RALGAPB: variants seen among roughly 807,000 people sequenced by gnomAD.
The protein encoded by RALGAPB is Ral GTPase activating protein non-catalytic subunit beta.
In RALGAPB, 25 loss-of-function variants were observed where a neutral mutation model predicts 161.1. That is an observed-to-expected ratio of 0.16 (90% CI 0.11 to 0.22). The LOEUF (loss-of-function observed/expected upper bound fraction) is 0.22. Ranked by LOEUF, RALGAPB falls within the 10% of genes least tolerant of loss-of-function variation. The probability of loss-of-function intolerance (pLI) is 1.00; values close to 1 mark genes in which losing one functional copy is unlikely to be tolerated. For synonymous variants in RALGAPB, 629 were observed against 626.1 expected, an observed-to-expected ratio of 1.00 and a Z score of -0.07; for missense variants, 1,391 against 1,815.2, an observed-to-expected ratio of 0.77 and a Z score of 4.25.
chr20:38,528,058 A>G (rs2086524902), intron 13 of RALGAPB, among the ~76,000 whole-genome samples: 1 of 152,242 alleles, frequency 6.6e-6, no homozygotes, highest in African/African-American at 2.4e-5. Flanking sequence ...GTGTGGCTTT[A>G]ATCATTCTTA....
chr20:38,483,274 G>T (rs1453138938), intron 1 of RALGAPB, among the ~76,000 whole-genome samples: 1 of 152,176 alleles, frequency 6.6e-6, no homozygotes, highest in African/African-American at 2.4e-5. Context: ...CAGCTTGCAG[G>T]TAGAGCTGGG....
intron 23 of RALGAPB, among the ~76,000 whole-genome samples, chr20:38,560,094 A>G (rs555429420): frequency 1.4e-5 from 2 of 148,092 alleles, no homozygotes; most frequent in East Asian, 3.9e-4. Context: ...AAGAACACTG[A>G]TTTATGAGAA....
Position 38,486,508 on chromosome 20 carries a change from A to G in RALGAPB, c.-30-1895A>G, listed in dbSNP as rs2122851166. On this transcript the variant is annotated intron_variant, in intron 1 of 29. Transcript: ENST00000262879. ...TTAAAAATGCAGATTCTCAGGCCCC[A>G]GCTCAGACCTGCAGAATTGAGCTTT... Among the ~76,000 whole-genome samples the G allele has an allele frequency of 2.0e-5, 3 of 152,296 alleles. No individual in the cohort carries two copies. In the South Asian group the frequency reaches 6.2e-4, roughly 32 times the overall value.
intron 26 of RALGAPB, chr20:38,568,418 A>G (rs887213504): frequency 6.6e-6 from 1 of 152,228 alleles, no homozygotes; most frequent in African/African-American, 2.4e-5. Context: ...ACCTACAGCT[A>G]ACATTATACT....
intron 3 of RALGAPB, among the ~76,000 whole-genome samples, chr20:38,494,713 G>T (rs559423173): frequency 6.6e-6 from 1 of 152,188 alleles, no homozygotes; most frequent in Admixed American, 6.5e-5. Flanking sequence ...TTCTAAAATG[G>T]TGTAATAGTT....
intron 1 of RALGAPB, among the ~76,000 whole-genome samples, chr20:38,486,484 TAAA>T (rs1286712996): frequency 1.3e-5 from 2 of 152,164 alleles, no homozygotes; most frequent in Non-Finnish European, 2.9e-5. Flanking sequence ...GGCCATTTCT[TAAA>T]AATGCAGATT....
At chr20:38,525,842 G>A in intron 12 of RALGAPB, 53 bp from the exon 13 acceptor site, 1 of 1,562,426 alleles carries the variant, frequency 6.4e-7, no homozygotes, top group Non-Finnish European at 8.8e-7. Context: ...GTTCCCACAT[G>A]GGCATCATAA....
intron 25 of RALGAPB, among the ~76,000 whole-genome samples, chr20:38,566,645 T>C (rs909212936): frequency 4.6e-5 from 7 of 152,234 alleles, no homozygotes; most frequent in Non-Finnish European, 1.0e-4. Flanking sequence ...AGAGACTAGA[T>C]CTTCTGTAGC....
intron 26 of RALGAPB, 32 bp downstream of exon 26, chr20:38,567,264 T>A (rs555427770): frequency 6.2e-7 from 1 of 1,601,192 alleles, no homozygotes; most frequent in Non-Finnish European, 8.5e-7. Context: ...TCTCCAAAAT[T>A]TTGTAGTGAA....
intron 5 of RALGAPB, among the ~76,000 whole-genome samples, chr20:38,506,495 T>C (rs1156951482): frequency 6.6e-6 from 1 of 152,208 alleles, no homozygotes; most frequent in African/African-American, 2.4e-5. Flanking sequence ...GGTTCCTCCA[T>C]GTTGTCCAGG....
chr20:38,567,006 A>G, intron 25 of RALGAPB, 90 bp from the exon 26 acceptor site: 1 of 1,498,822 alleles, frequency 6.7e-7, no homozygotes, highest in South Asian at 1.4e-5. Flanking sequence ...TAAGTGATTT[A>G]GGTTAGACTG....
At chr20:38,498,817 A>C (rs984738858) in intron 4 of RALGAPB, among the ~76,000 whole-genome samples, 4 of 152,146 alleles carry the variant, frequency 2.6e-5, no homozygotes, top group African/African-American at 7.2e-5. Flanking sequence ...TCCCAACACC[A>C]GTCCTTTTGC....
At chr20:38,521,758 G>A in intron 10 of RALGAPB, 60 bp downstream of exon 10, 3 of 1,559,746 alleles carry the variant, frequency 1.9e-6, no homozygotes, top group Non-Finnish European at 2.6e-6. Flanking sequence ...GCCATTGTTG[G>A]TTGGCCGACT....
intron 24 of RALGAPB, among the ~76,000 whole-genome samples, chr20:38,563,872 G>T (rs2087885233): frequency 6.6e-6 from 1 of 152,094 alleles, no homozygotes; most frequent in Non-Finnish European, 1.5e-5. Context: ...TTTGTCCCCA[G>T]CCTGGCTTCT....
intron 29 of RALGAPB, 141 bp downstream of exon 29, chr20:38,574,439 G>A: frequency 9.8e-7 from 1 of 1,023,434 alleles, no homozygotes; most frequent in South Asian, 1.9e-5. Context: ...TGTTAAAAAG[G>A]GAGCATGTTT....
At chr20:38,502,898 G>A (rs534688832) in intron 5 of RALGAPB, among the ~76,000 whole-genome samples, 38 of 152,272 alleles carry the variant, frequency 2.5e-4, no homozygotes, top group Non-Finnish European at 3.1e-4. Context: ...GAGCCACTGC[G>A]CCTGGCCCTT....
In RALGAPB at chr20:38,524,743, G is replaced by A. The variant is rs774204217; in HGVS notation, c.1620-35G>A. The A allele has an allele frequency of 6.7e-6, 10 of 1,492,132 alleles. No homozygotes were observed. In the Admixed American group the frequency reaches 1.0e-4, roughly 15 times the overall value. 92.4% of individuals were successfully genotyped at this position (1,492,132 alleles called of 1,614,324 possible). ...TAATAATTATGAAAACTTTTGATCAGCAGTTTGTTTAAAATTTTTTTCTTG... is the reference window on the plus strand; with the variant it reads ...TAATAATTATGAAAACTTTTGATCAACAGTTTGTTTAAAATTTTTTTCTTG... On this transcript the variant is annotated intron_variant, in intron 10 of 29. Transcript: ENST00000262879.
At chr20:38,564,497 A>G (rs1443928531) in intron 24 of RALGAPB, among the ~76,000 whole-genome samples, 2 of 152,174 alleles carry the variant, frequency 1.3e-5, no homozygotes, top group African/African-American at 4.8e-5. Context: ...GGTTGAGCAT[A>G]TCTTATCATA....
intron 23 of RALGAPB, among the ~76,000 whole-genome samples, chr20:38,561,588 G>A (rs554888659): frequency 5.1e-4 from 77 of 152,288 alleles, no homozygotes; most frequent in South Asian, 1.0e-3. Flanking sequence ...TAGAGCAGGC[G>A]AAGAGAACCT....
Sources: gnomAD v4.1 joint callset for allele counts (sites outside exome capture counted in the v4.1 genomes callset) on GRCh38, gnomAD v4.1.1 for gene constraint, MANE v1.5 for transcripts, NCBI Gene and HGNC (gene_info 2026-07-23, HGNC 2026-07-21) for gene names.